ATP6V0D2: variants seen among roughly 807,000 people sequenced by gnomAD.
ATP6V0D2 encodes ATPase H+ transporting V0 subunit d2, also known as V-type proton ATPase subunit d 2.
In ATP6V0D2, 40 loss-of-function variants were observed where a neutral mutation model predicts 40.0. The observed-to-expected ratio is 1.00, with a 90% CI of 0.78 to 1.30. ATP6V0D2 has a LOEUF of 1.30. ATP6V0D2 is among the 50% of genes most tolerant of loss of function. The pLI, the probability that ATP6V0D2 is intolerant of heterozygous loss-of-function variation, is 0.00. For synonymous variants in ATP6V0D2, 179 were observed against 156.3 expected, an observed-to-expected ratio of 1.15 and a Z score of -1.08; for missense variants, 470 against 423.1, an observed-to-expected ratio of 1.11 and a Z score of -0.97.
intron 5 of ATP6V0D2, among the ~76,000 whole-genome samples, chr8:86,149,818 A>C (rs887777621): frequency 2.6e-5 from 4 of 152,142 alleles, no homozygotes; most frequent in African/African-American, 9.7e-5. Flanking sequence ...CTAGCGGCCT[A>C]ATGTGACAGA....
chr8:86,110,787 T>C (rs1286759925), intron 1 of ATP6V0D2, among the ~76,000 whole-genome samples: 9 of 152,136 alleles, frequency 5.9e-5, no homozygotes, highest in African/African-American at 2.2e-4. Flanking sequence ...AGGTTATGTA[T>C]TAATCAGTAC....
intron 1 of ATP6V0D2, among the ~76,000 whole-genome samples, chr8:86,104,844 AACACATACAC>A (rs1818449006): frequency 1.6e-5 from 1 of 60,986 alleles, no homozygotes; most frequent in Admixed American, 1.4e-4. Context: ...TCCTGTTTAA[AACACATACAC>A]ACACACACAC....
intron 5 of ATP6V0D2, among the ~76,000 whole-genome samples, chr8:86,145,497 T>C (rs1819057594): frequency 6.6e-6 from 1 of 152,170 alleles, no homozygotes; most frequent in Admixed American, 6.5e-5. Flanking sequence ...ATCTTATCAC[T>C]AAAGATCTCC....
At chr8:86,101,689 G>A (rs976943800) in intron 1 of ATP6V0D2, among the ~76,000 whole-genome samples, 2 of 152,006 alleles carry the variant, frequency 1.3e-5, no homozygotes, top group Non-Finnish European at 2.9e-5. Context: ...AGAAGAAAAG[G>A]TTTCAATCCC....
intron 2 of ATP6V0D2, among the ~76,000 whole-genome samples, chr8:86,123,101 C>T (rs1180111010): frequency 6.6e-6 from 1 of 152,128 alleles, no homozygotes; most frequent in African/African-American, 2.4e-5. Context: ...TGAACACTTC[C>T]GCTACCTCTG....
intron 7 of ATP6V0D2, among the ~76,000 whole-genome samples, chr8:86,151,837 A>G (rs535270210): frequency 2.3e-3 from 337 of 149,280 alleles, no homozygotes; most frequent in Admixed American, 6.7e-3. Context: ...TCAATTCCTC[A>G]TGGAATTTGC....
chr8:86,151,583 C>A, intron 7 of ATP6V0D2, 43 bp downstream of exon 7: 1 of 1,467,076 alleles, frequency 6.8e-7, no homozygotes, highest in Non-Finnish European at 9.4e-7. Flanking sequence ...TTTTCTCTTA[C>A]TGTGGATTTT....
intron 1 of ATP6V0D2, among the ~76,000 whole-genome samples, chr8:86,102,819 A>G (rs1818421463): frequency 6.6e-6 from 1 of 152,190 alleles, no homozygotes; most frequent in African/African-American, 2.4e-5. Flanking sequence ...ATTAGTTCCC[A>G]TTGCCTTTGT....
chr8:86,111,975 G>C (rs776106139), intron 1 of ATP6V0D2, among the ~76,000 whole-genome samples: 1 of 152,114 alleles, frequency 6.6e-6, no homozygotes, highest in African/African-American at 2.4e-5. Flanking sequence ...GAATATTTCT[G>C]GTCTATCTTT....
chr8:86,145,561 TAAATA>T (rs1382394085), intron 5 of ATP6V0D2, among the ~76,000 whole-genome samples: 1 of 152,156 alleles, frequency 6.6e-6, no homozygotes, highest in Non-Finnish European at 1.5e-5. Context: ...ATCGAATAAA[TAAATA>T]ACATTTTGAG....
chr8:86,130,916 G>A (rs1351815537), intron 2 of ATP6V0D2, among the ~76,000 whole-genome samples: 1 of 151,910 alleles, frequency 6.6e-6, no homozygotes, highest in African/African-American at 2.4e-5. Flanking sequence ...CTCCGTCTCT[G>A]CTCACTCTGA....
intron 6 of ATP6V0D2, among the ~76,000 whole-genome samples, chr8:86,151,259 C>T (rs778830296): frequency 1.3e-5 from 2 of 152,060 alleles, no homozygotes; most frequent in Non-Finnish European, 2.9e-5. Context: ...CCTGAACAAG[C>T]CAATAGGCTA....
At chr8:86,125,852 CTATTA>C (rs1445222417) in intron 2 of ATP6V0D2, among the ~76,000 whole-genome samples, 2 of 151,398 alleles carry the variant, frequency 1.3e-5, no homozygotes, top group African/African-American at 4.8e-5. Context: ...AAAATGTAAT[CTATTA>C]TAATTTTTGC....
intron 2 of ATP6V0D2, among the ~76,000 whole-genome samples, chr8:86,118,722 G>C (rs1396560470): frequency 6.6e-6 from 1 of 152,142 alleles, no homozygotes; most frequent in Non-Finnish European, 1.5e-5. Context: ...TAGTTGTGTG[G>C]AAGGAAAAAT....
intron 3 of ATP6V0D2, among the ~76,000 whole-genome samples, chr8:86,140,402 A>T (rs572647156): frequency 6.6e-6 from 1 of 152,308 alleles, no homozygotes; most frequent in Admixed American, 6.5e-5. Flanking sequence ...AGAGGTTGAG[A>T]CTGCAATCAG....
At position 86,113,761 on chromosome 8, in the gene ATP6V0D2, C is replaced by T; in HGVS notation, c.183C>T (p.His61=). 6.2e-7 allele frequency: 1 copy of T among 1,613,098 alleles called. No homozygotes were observed. The highest frequency in any genetic ancestry group is 8.5e-7 in the Non-Finnish European group (1 of 1,179,454). ...TTDYGNFLAN[H]TNPLTVSKID... is the part of the protein sequence containing the mutation. ...ATTATGGTAACTTTTTGGCTAATCA[C>T]ACAAATCCTCTTACTGTTTCCAAAA... Residue 61 remains histidine, a synonymous_variant, in exon 2 of 8, where the codon CAC becomes CAT. Coordinates refer to ENST00000285393, the MANE Select transcript of ATP6V0D2 (RefSeq NM_152565.1).
At chr8:86,144,117 C>G (rs779283928) in intron 5 of ATP6V0D2, among the ~76,000 whole-genome samples, 1 of 152,144 alleles carries the variant, frequency 6.6e-6, no homozygotes, top group African/African-American at 2.4e-5. Flanking sequence ...GATGTTATAA[C>G]TTAATTCCTC....
At chr8:86,141,327 G>A (rs1337475195) in intron 3 of ATP6V0D2, 123 bp from the exon 4 acceptor site, 1 of 618,110 alleles carries the variant, frequency 1.6e-6, no homozygotes. Context: ...TGGAGTGTAT[G>A]GATTGCAACT....
chr8:86,121,604 G>GGAGGAGGAGGAGGAGGAGGAT (rs1554588161), intron 2 of ATP6V0D2, among the ~76,000 whole-genome samples: 9 of 141,192 alleles, frequency 6.4e-5, no homozygotes, highest in South Asian at 2.3e-4. Flanking sequence ...AGGAGGAGGA[G>GGAGGAGGAGGAGGAGGAGGAT]GAGGAGGAGG....
Sources: gnomAD v4.1 joint callset for allele counts (sites outside exome capture counted in the v4.1 genomes callset) on GRCh38, gnomAD v4.1.1 for gene constraint, MANE v1.5 for transcripts, NCBI Gene and HGNC (gene_info 2026-07-23, HGNC 2026-07-21) for gene names.